CRACD: variants seen among roughly 807,000 people sequenced by gnomAD.
CRACD encodes capping protein inhibiting regulator of actin dynamics.
A neutral mutation model predicts 106.8 loss-of-function variants in CRACD; 56 were observed. The observed-to-expected ratio is 0.52, with a 90% CI of 0.42 to 0.66. CRACD has a LOEUF of 0.66. Among genes scored for constraint, CRACD ranks in the 30% least tolerant of loss-of-function variants. CRACD has a pLI of 0.00. For synonymous variants in CRACD, 754 were observed against 670.8 expected (o/e 1.12, Z -1.92); for missense variants, 1,730 against 1,623.2 (o/e 1.07, Z -1.13).
rs373047096 is a variant in CRACD at position 56,100,179 on chromosome 4, G to T, written c.-336+50880G>T. ...AATTGTTTGAACTCGGGAAGCGGAG[G>T]TTGCAGTGAGCCGAGAGCATGCCAA... On this transcript the variant is annotated intron_variant, in intron 1 of 10. Transcript: ENST00000682029. 1.6e-3 allele frequency among the ~76,000 whole-genome samples: 249 copies of T among 152,112 alleles called. 3 individuals carry two copies. Among genetic ancestry groups the T allele is most frequent in the African/African-American group, 5.5e-3 (228 of 41,488 alleles).
At chr4:56,208,970 G>GTC (rs149819067) in intron 2 of CRACD, among the ~76,000 whole-genome samples, 1 of 151,998 alleles carries the variant, frequency 6.6e-6, no homozygotes, top group African/African-American at 2.4e-5. Context: ...GGCAGAATCT[G>GTC]TCTCTCTCTC....
chr4:56,214,942 G>A (rs926757374), intron 2 of CRACD, among the ~76,000 whole-genome samples: 3 of 151,196 alleles, frequency 2.0e-5, no homozygotes, highest in African/African-American at 7.3e-5. Flanking sequence ...GGAGGTTGGA[G>A]TGAGCCGAGA....
At chr4:56,257,856 G>A (rs2109606211) in intron 2 of CRACD, among the ~76,000 whole-genome samples, 1 of 152,174 alleles carries the variant, frequency 6.6e-6, no homozygotes, top group South Asian at 2.1e-4. Context: ...CAGATCACAA[G>A]GTCAAGAGAT....
At chr4:56,182,746 T>C (rs1235717407) in intron 2 of CRACD, among the ~76,000 whole-genome samples, 1 of 152,116 alleles carries the variant, frequency 6.6e-6, no homozygotes, top group African/African-American at 2.4e-5. Context: ...AATAGATGCT[T>C]TTTTCCTCTT....
At chr4:56,072,331 C>T (rs913415856) in intron 1 of CRACD, among the ~76,000 whole-genome samples, 1 of 152,094 alleles carries the variant, frequency 6.6e-6, no homozygotes, top group African/African-American at 2.4e-5. Flanking sequence ...GATACCTATA[C>T]TAGTGAAAGA....
intron 2 of CRACD, among the ~76,000 whole-genome samples, chr4:56,248,551 A>C (rs982041890): frequency 6.6e-6 from 1 of 151,208 alleles, no homozygotes; most frequent in Non-Finnish European, 1.5e-5. Context: ...GTTGTGAATT[A>C]TCTCTATATT....
intron 1 of CRACD, among the ~76,000 whole-genome samples, chr4:56,058,601 G>C (rs1732166360): frequency 6.6e-6 from 1 of 152,220 alleles, no homozygotes; most frequent in Non-Finnish European, 1.5e-5. Context: ...TAGGCTTCCT[G>C]TCAGTTTTGT....
At chr4:56,051,099 T>C (rs547595659) in intron 1 of CRACD, among the ~76,000 whole-genome samples, 1 of 152,226 alleles carries the variant, frequency 6.6e-6, no homozygotes, top group Non-Finnish European at 1.5e-5. Context: ...TTGGCATTAA[T>C]TTGAAATTCT....
At chr4:56,118,248 A>C (rs899710382) in intron 1 of CRACD, among the ~76,000 whole-genome samples, 2 of 78,350 alleles carry the variant, frequency 2.6e-5, no homozygotes, top group Admixed American at 1.3e-4. Context: ...CACTCTCCTC[A>C]TTTTGTATAT....
At chr4:56,101,760 CA>C (rs60106850) in intron 1 of CRACD, among the ~76,000 whole-genome samples, 2,801 of 103,254 alleles carry the variant, frequency 0.027, 58 homozygotes, top group African/African-American at 0.085. Flanking sequence ...AAGACTGTCT[CA>C]AAAAAAAAAA....
intron 5 of CRACD, among the ~76,000 whole-genome samples, chr4:56,308,530 AC>A (rs1560529975): frequency 6.6e-6 from 1 of 152,048 alleles, no homozygotes; most frequent in African/African-American, 2.4e-5. Context: ...GCCTATCAAG[AC>A]CCCTGGAATT....
At chr4:56,094,575 T>G (rs1476000766) in intron 1 of CRACD, among the ~76,000 whole-genome samples, 10 of 152,098 alleles carry the variant, frequency 6.6e-5, no homozygotes, top group Non-Finnish European at 1.5e-4. Context: ...CACTTTAGCC[T>G]CCCGAGTAGC....
chr4:56,306,710 A>C (rs755483569), intron 4 of CRACD, among the ~76,000 whole-genome samples: 3 of 152,130 alleles, frequency 2.0e-5, no homozygotes, highest in Non-Finnish European at 4.4e-5. Context: ...GCCTTCCTCT[A>C]CTTGCAAATA....
chr4:56,314,343 C>T lies in CRACD; in HGVS notation c.841C>T (p.Leu281=), dbSNP rs1196990538. The T allele has an allele frequency of 6.5e-7, 1 of 1,549,474 alleles. No individual in the cohort carries two copies. Among genetic ancestry groups the T allele is most frequent in the Non-Finnish European group, 8.7e-7 (1 of 1,146,824 alleles). ...GGAGGGCGAGGGGCAGGAGCCGCCT[C>T]TAGAGGCGGAAAGGGCGCCGCGGGA... The part of the protein sequence containing the change: ...EEEGEGQEPP[L]EAERAPREEQ... Residue 281 remains leucine (L), a synonymous_variant, in exon 8 of 11, where the codon CTA becomes TTA. Transcript: ENST00000682029. This position sits in a 1 kb window ranked among gnomAD's most constrained non-coding sequence, Gnocchi z 4.4.
chr4:56,287,191 C>T (rs1253479395), intron 3 of CRACD, among the ~76,000 whole-genome samples: 1 of 152,156 alleles, frequency 6.6e-6, no homozygotes, highest in Non-Finnish European at 1.5e-5. Flanking sequence ...GTGACGTGAT[C>T]ATAACTCACT....
chr4:56,183,235 A>AAAAATAATAAAATAAAATTAAAAT (rs1736919564), intron 2 of CRACD, among the ~76,000 whole-genome samples: 1 of 124,394 alleles, frequency 8.0e-6, no homozygotes, highest in African/African-American at 3.2e-5. Context: ...CTCCGTCTCA[A>AAAAATAATAAAATAAAATTAAAAT]AAAATAAAAT....
At chr4:56,127,598 A>G (rs1160024697) in intron 1 of CRACD, among the ~76,000 whole-genome samples, 12 of 152,148 alleles carry the variant, frequency 7.9e-5, no homozygotes, top group Admixed American at 3.3e-4. Flanking sequence ...GCCAAAGATA[A>G]TGTTTTCGGA....
chr4:56,152,613 C>T (rs568082831), intron 1 of CRACD, among the ~76,000 whole-genome samples: 1 of 152,044 alleles, frequency 6.6e-6, no homozygotes, highest in African/African-American at 2.4e-5. Flanking sequence ...AAGAGAGGCT[C>T]TCTTGCACCC....
At chr4:56,128,378 C>G (rs1734722643) in intron 1 of CRACD, among the ~76,000 whole-genome samples, 1 of 152,196 alleles carries the variant, frequency 6.6e-6, no homozygotes, top group Admixed American at 6.5e-5. Flanking sequence ...GAGTTCCTCT[C>G]TCTCTCTTTG....
Sources: gnomAD v4.1 joint callset for allele counts (sites outside exome capture counted in the v4.1 genomes callset) on GRCh38, gnomAD v4.1.1 for gene constraint, Gnocchi (gnomAD v3.1) non-coding constraint, MANE v1.5 for transcripts, NCBI Gene and HGNC (gene_info 2026-07-23, HGNC 2026-07-21) for gene names.